ATP8B4: variants seen among roughly 807,000 people sequenced by gnomAD.
ATP8B4 encodes ATPase phospholipid transporting 8B4 (putative).
Under a neutral mutation model 145.6 loss-of-function variants are expected in ATP8B4, and 133 were observed. That is an observed-to-expected ratio of 0.91 (90% CI 0.79 to 1.05). ATP8B4 has a LOEUF of 1.05. Ranked by LOEUF, ATP8B4 falls within the 50% of genes least tolerant of loss-of-function variation. The pLI, the probability that ATP8B4 is intolerant of heterozygous loss-of-function variation, is 0.00. For missense variants in ATP8B4, 1,458 were observed against 1,425.2 expected (o/e 1.02, Z -0.37); for synonymous variants, 507 against 492.9 (o/e 1.03, Z -0.38).
chr15:49,929,087 G>A (rs1414327867), intron 16 of ATP8B4, among the ~76,000 whole-genome samples: 5 of 152,186 alleles, frequency 3.3e-5, no homozygotes, highest in East Asian at 1.9e-4. Flanking sequence ...TCCTGGTGAC[G>A]CTGATGGGAG....
intron 13 of ATP8B4, among the ~76,000 whole-genome samples, chr15:49,964,707 T>C (rs1187148450): frequency 6.6e-6 from 1 of 152,226 alleles, no homozygotes. Context: ...AATTACAAGC[T>C]ATCATGGGAT....
chr15:49,981,392 T>G, intron 10 of ATP8B4, 98 bp from the exon 11 acceptor site: 1 of 924,844 alleles, frequency 1.1e-6, no homozygotes, highest in Non-Finnish European at 1.6e-6. Context: ...AAAATATATA[T>G]TTTTCACAAT....
In ATP8B4 at chr15:50,047,445, G is replaced by A. The variant is rs199688981; in HGVS notation, c.107C>T (p.Ser36Leu). The A allele has an allele frequency of 1.3e-5, 20 of 1,576,108 alleles. No individual in the cohort carries two copies. Among genetic ancestry groups the A allele is most frequent in the Non-Finnish European group, 1.6e-5 (18 of 1,145,764 alleles). Reference sequence around the variant, plus strand: ...CAAGAAGGTGAGAATATTATATTTCGATGTGTGGATACGATTATCCTGGAA... The same window carrying A: ...CAAGAAGGTGAGAATATTATATTTCAATGTGTGGATACGATTATCCTGGAA... ...FQYADNRIHTSKYNILTFLPI... is the reference protein window; with the variant it reads ...FQYADNRIHTLKYNILTFLPI... The change falls in exon 4 of 28, where the codon TCG becomes TTG. Residue 36 changes from serine (S) to leucine (L), a missense_variant. Physicochemically the swap from Ser to Leu is moderately radical, Grantham distance 145. Coordinates refer to ENST00000284509, the MANE Select transcript of ATP8B4 (RefSeq NM_024837.4).
chr15:49,914,315 C>T (rs1049245674), intron 20 of ATP8B4, among the ~76,000 whole-genome samples: 1 of 152,106 alleles, frequency 6.6e-6, no homozygotes, highest in Non-Finnish European at 1.5e-5. Flanking sequence ...TCACCATACA[C>T]AAAAATTAAC....
At chr15:50,170,559 C>T (rs1321885496) in intron 1 of ATP8B4, among the ~76,000 whole-genome samples, 3 of 128,670 alleles carry the variant, frequency 2.3e-5, no homozygotes, top group African/African-American at 8.4e-5. Flanking sequence ...ATCCTGGAAA[C>T]ACATCAAAAC....
intron 1 of ATP8B4, among the ~76,000 whole-genome samples, chr15:50,113,534 G>A (rs980229199): frequency 4.6e-5 from 7 of 152,086 alleles, no homozygotes; most frequent in African/African-American, 1.7e-4. Flanking sequence ...ACGTATGGGT[G>A]TGTGTAAAAG....
chr15:50,163,338 T>C (rs770568170), intron 1 of ATP8B4, among the ~76,000 whole-genome samples: 4 of 152,382 alleles, frequency 2.6e-5, no homozygotes, highest in African/African-American at 7.2e-5. Flanking sequence ...TATATCTGCA[T>C]TGGGGGCACC....
chr15:50,157,566 G>GTTGT (rs757789558), intron 1 of ATP8B4, among the ~76,000 whole-genome samples: 6 of 152,104 alleles, frequency 3.9e-5, no homozygotes, highest in East Asian at 3.9e-4. Context: ...CAGGTTTGTT[G>GTTGT]TTGTTTGTTT....
chr15:49,993,728 T>C (rs2153551402), intron 9 of ATP8B4, among the ~76,000 whole-genome samples: 1 of 152,274 alleles, frequency 6.6e-6, no homozygotes, highest in East Asian at 1.9e-4. Context: ...AACTTTAAGG[T>C]AGATTGAAAT....
chr15:49,860,308 TG>T lies in ATP8B4; in HGVS notation c.3464del (p.Pro1155GlnfsTer27). Reference protein sequence around the residue: ...GKNMRAKNPPPTSGLEKTHYN... With the variant: ...GKNMRAKNPPXTSGLEKTHYN... ...AATGTGTCTTTTCCAGCCCTGATGT[TG>T]GGGGTGGATTTTTAGCTCGCATATT... On this transcript the variant is annotated frameshift_variant, in exon 28 of 28. Coordinates refer to ENST00000284509, the MANE Select transcript of ATP8B4 (RefSeq NM_024837.4). LOFTEE classifies it high-confidence loss of function. 1 of 1,614,158 alleles carries T rather than the reference TG, an allele frequency of 6.2e-7. No individual in the cohort carries two copies. Among genetic ancestry groups the T allele is most frequent in the South Asian group, 1.1e-5 (1 of 91,086 alleles).
intron 6 of ATP8B4, among the ~76,000 whole-genome samples, chr15:50,012,626 G>A (rs2048800144): frequency 6.6e-6 from 1 of 152,158 alleles, no homozygotes; most frequent in South Asian, 2.1e-4. Flanking sequence ...AAGACCATGA[G>A]AGGAAATTGT....
chr15:49,960,653 A>G (rs925474137), intron 14 of ATP8B4, among the ~76,000 whole-genome samples: 1 of 152,236 alleles, frequency 6.6e-6, no homozygotes, highest in Non-Finnish European at 1.5e-5. Context: ...TGATAAACTC[A>G]ATTACATGAA....
intron 3 of ATP8B4, among the ~76,000 whole-genome samples, chr15:50,065,411 G>C (rs1228802676): frequency 6.6e-6 from 1 of 152,080 alleles, no homozygotes; most frequent in Non-Finnish European, 1.5e-5. Flanking sequence ...CCCAGAACCA[G>C]ACCATTTGGT....
chr15:49,927,718 A>G (rs73396980), intron 16 of ATP8B4, among the ~76,000 whole-genome samples: 307 of 152,242 alleles, frequency 2.0e-3, no homozygotes, highest in African/African-American at 7.0e-3. Flanking sequence ...CAGAGCAAAA[A>G]GAAACCAACT....
chr15:49,866,108 G>A lies in ATP8B4; in HGVS notation c.3166+238C>T, dbSNP rs886419719. Among the ~76,000 whole-genome samples, 4 of 152,158 alleles carry A rather than the reference G, an allele frequency of 2.6e-5. No homozygotes were observed. The East Asian group carries it at 7.7e-4, about 29-fold the overall frequency. ...TTTGCAAAGAGACAGCCTACTACAT[G>A]TAAGCTGTTGAGAACCTGTAAGCTA... On this transcript the variant is annotated intron_variant, in intron 26 of 27. Coordinates refer to ENST00000284509, the MANE Select transcript of ATP8B4 (RefSeq NM_024837.4).
intron 9 of ATP8B4, among the ~76,000 whole-genome samples, chr15:49,988,028 G>A (rs2046765831): frequency 6.6e-6 from 1 of 152,118 alleles, no homozygotes. Context: ...AGGTCCTACT[G>A]TATTCCACCA....
At chr15:50,130,626 A>T (rs1201713202) in intron 1 of ATP8B4, among the ~76,000 whole-genome samples, 1 of 151,892 alleles carries the variant, frequency 6.6e-6, no homozygotes, top group Non-Finnish European at 1.5e-5. Context: ...AATATAAAAA[A>T]TTAGCCAGGC....
intron 13 of ATP8B4, among the ~76,000 whole-genome samples, chr15:49,968,530 G>A (rs892950766): frequency 1.3e-5 from 2 of 152,050 alleles, no homozygotes; most frequent in African/African-American, 4.8e-5. Context: ...ACAAAGAAGG[G>A]CATTACATAA....
At chr15:49,920,173 A>C (rs1214967430) in intron 18 of ATP8B4, 73 bp downstream of exon 18, 2 of 1,537,786 alleles carry the variant, frequency 1.3e-6, no homozygotes, top group Non-Finnish European at 1.8e-6. Context: ...CCAATGGCTT[A>C]TTCCTGTGCT....
Sources: allele counts gnomAD v4.1 joint callset (sites outside exome capture counted in the v4.1 genomes callset), GRCh38; gene constraint gnomAD v4.1.1; transcripts MANE v1.5; gene names NCBI Gene and HGNC (gene_info 2026-07-23, HGNC 2026-07-21).